The following EPHA6 variants were observed in gnomAD, a reference collection of about 807,000 sequenced individuals.
EPHA6 encodes the protein ephrin type-A receptor 6.
Under a neutral mutation model 112.0 loss-of-function variants are expected in EPHA6, and 50 were observed. The observed-to-expected ratio is 0.45, with a 90% confidence interval of 0.36 to 0.56. The LOEUF is 0.56. Ranked by LOEUF, EPHA6 falls within the 20% of genes least tolerant of loss-of-function variation. The probability of loss-of-function intolerance (pLI) is 0.00; values close to 1 mark genes in which losing one functional copy is unlikely to be tolerated. For synonymous variants in EPHA6, 529 were observed against 490.7 expected, an observed-to-expected ratio of 1.08 and a Z score of -1.03; for missense variants, 1,280 against 1,417.4, an observed-to-expected ratio of 0.90 and a Z score of 1.56.
chr3:97,268,145 G>A (rs953709801), intron 5 of EPHA6, among the ~76,000 whole-genome samples: 1 of 152,090 alleles, frequency 6.6e-6, no homozygotes, highest in African/African-American at 2.4e-5. Flanking sequence ...ATATCTGTTT[G>A]CAAGACAGAG....
chr3:96,952,152 C>T (rs2041568906), intron 2 of EPHA6, among the ~76,000 whole-genome samples: 1 of 152,154 alleles, frequency 6.6e-6, no homozygotes, highest in Non-Finnish European at 1.5e-5. Flanking sequence ...TCACTACACC[C>T]ATCCAGACAA....
chr3:97,267,328 C>A (rs371310819), intron 5 of EPHA6, among the ~76,000 whole-genome samples: 1 of 151,968 alleles, frequency 6.6e-6, no homozygotes, highest in East Asian at 1.9e-4. Context: ...GTCTGAGATA[C>A]TTTCTTGCAC....
intron 2 of EPHA6, among the ~76,000 whole-genome samples, chr3:96,924,081 A>G (rs951386202): frequency 1.3e-5 from 2 of 152,014 alleles, no homozygotes; most frequent in African/African-American, 4.8e-5. Flanking sequence ...ATAGTGTGAT[A>G]CCTCTAGATT....
At chr3:97,004,562 T>C (rs975869164) in intron 3 of EPHA6, among the ~76,000 whole-genome samples, 2 of 152,226 alleles carry the variant, frequency 1.3e-5, no homozygotes, top group Admixed American at 1.3e-4. Context: ...ATGAGTAAAC[T>C]GCCAAAATTT....
intron 2 of EPHA6, among the ~76,000 whole-genome samples, chr3:96,964,399 C>T (rs989444602): frequency 1.3e-5 from 2 of 152,148 alleles, no homozygotes; most frequent in African/African-American, 4.8e-5. Flanking sequence ...CTTTGTTCAT[C>T]TTAGACAACT....
At chr3:97,165,869 A>G (rs535366736) in intron 3 of EPHA6, among the ~76,000 whole-genome samples, 1 of 152,304 alleles carries the variant, frequency 6.6e-6, no homozygotes, top group African/African-American at 2.4e-5. Flanking sequence ...AGTGTTAAGT[A>G]TTCAATAAAA....
chr3:97,266,972 A>G (rs886700700), intron 5 of EPHA6, among the ~76,000 whole-genome samples: 5 of 152,156 alleles, frequency 3.3e-5, no homozygotes, highest in African/African-American at 4.8e-5. Flanking sequence ...GGGTAGAGTC[A>G]TCAAATAGAA....
At chr3:96,929,830 A>G (rs373944642) in intron 2 of EPHA6, among the ~76,000 whole-genome samples, 11 of 152,082 alleles carry the variant, frequency 7.2e-5, no homozygotes, top group Non-Finnish European at 1.6e-4. Context: ...TTCCAAGTTG[A>G]TTCCATTCTC....
intron 3 of EPHA6, among the ~76,000 whole-genome samples, chr3:97,008,881 C>G (rs2043980563): frequency 6.6e-6 from 1 of 151,984 alleles, no homozygotes; most frequent in Non-Finnish European, 1.5e-5. Flanking sequence ...AGTCAGGTCC[C>G]TCTTCTGTAG....
At chr3:97,718,789 A>G (rs1158791292) in intron 14 of EPHA6, among the ~76,000 whole-genome samples, 3 of 152,092 alleles carry the variant, frequency 2.0e-5, no homozygotes, top group African/African-American at 7.2e-5. Flanking sequence ...GGCTGCTTTG[A>G]TATGTGGTTA....
At chr3:97,621,415 TTAAAA>T (rs1448215723) in intron 13 of EPHA6, among the ~76,000 whole-genome samples, 2 of 152,016 alleles carry the variant, frequency 1.3e-5, no homozygotes, top group East Asian at 1.9e-4. Context: ...ACCCCTGAAC[TTAAAA>T]TAAAAGTTTT....
intron 10 of EPHA6, among the ~76,000 whole-genome samples, chr3:97,517,185 A>C (rs1577642898): frequency 6.6e-6 from 1 of 152,300 alleles, no homozygotes; most frequent in South Asian, 2.1e-4. Flanking sequence ...TTGTGTAGTA[A>C]GTATATTAAT....
At chr3:96,820,411 G>A (rs2033161380) in intron 1 of EPHA6, among the ~76,000 whole-genome samples, 1 of 151,992 alleles carries the variant, frequency 6.6e-6, no homozygotes, top group South Asian at 2.1e-4. Context: ...GTCCGGGCAA[G>A]ATGTATGGTG....
intron 2 of EPHA6, among the ~76,000 whole-genome samples, chr3:96,874,965 A>T (rs994088458): frequency 1.3e-5 from 2 of 152,254 alleles, no homozygotes; most frequent in South Asian, 4.1e-4. Flanking sequence ...GGAGGAGAAC[A>T]TAGAAGATGC....
chr3:97,362,959 TAATTA>T (rs1392156301), intron 5 of EPHA6, among the ~76,000 whole-genome samples: 1 of 151,242 alleles, frequency 6.6e-6, no homozygotes, highest in Non-Finnish European at 1.5e-5. Flanking sequence ...GGAAGTAATT[TAATTA>T]TTTATAGAAT....
chr3:97,528,558 A>C (rs2092655410), intron 10 of EPHA6, among the ~76,000 whole-genome samples: 1 of 152,120 alleles, frequency 6.6e-6, no homozygotes, highest in Admixed American at 6.6e-5. Context: ...TGTGAGAAAA[A>C]CCATTGGGAC....
At chr3:97,295,924 A>G (rs902538463) in intron 5 of EPHA6, among the ~76,000 whole-genome samples, 1 of 152,124 alleles carries the variant, frequency 6.6e-6, no homozygotes, top group African/African-American at 2.4e-5. Context: ...GCAGTGGGCC[A>G]ATCATGCCTA....
intron 14 of EPHA6, among the ~76,000 whole-genome samples, chr3:97,644,655 A>T (rs2107587599): frequency 6.6e-6 from 1 of 151,212 alleles, no homozygotes; most frequent in African/African-American, 2.4e-5. Context: ...GAATACTACA[A>T]ACACCTCTAC....
Position 97,208,194 on chromosome 3 carries a change from G to A in EPHA6, c.1115-18070G>A, listed in dbSNP as rs150387754. Among the ~76,000 whole-genome samples the A allele has an allele frequency of 3.4e-3, 513 of 152,156 alleles. 4 individuals carry two copies. Among genetic ancestry groups the A allele is most frequent in the African/African-American group, 0.011 (463 of 41,538 alleles). ...TGTCATATCCAAACCATGCTGAATC[G>A]ATATAGGTATTCTACTTGTACTGGA... On this transcript the variant is annotated intron_variant, in intron 3 of 17. Coordinates refer to ENST00000389672, the MANE Select transcript of EPHA6 (RefSeq NM_001080448.3).
Sources: allele counts gnomAD v4.1 joint callset (sites outside exome capture counted in the v4.1 genomes callset), GRCh38; gene constraint gnomAD v4.1.1; transcripts MANE v1.5; gene names NCBI Gene and HGNC (gene_info 2026-07-23, HGNC 2026-07-21).